The following GARRE1 variants were observed in gnomAD, a reference collection of about 807,000 sequenced individuals.
GARRE1 encodes granule associated Rac and RHOG effector 1, also known as granule associated Rac and RHOG effector protein 1.
In GARRE1, 49 loss-of-function variants were observed where a neutral mutation model predicts 103.2. The observed-to-expected ratio is 0.47, with a 90% CI of 0.38 to 0.60. GARRE1 has a LOEUF of 0.60. GARRE1 is among the 20% of genes least tolerant of loss of function. GARRE1 has a pLI of 0.00. For missense variants in GARRE1, 1,199 were observed against 1,370.5 expected (o/e 0.87, Z 1.98); for synonymous variants, 505 against 532.8 (o/e 0.95, Z 0.72).
rs531655420 is a variant in GARRE1, at chr19:34,260,280, A to G, written c.-796+5666A>G. On this transcript the variant is annotated intron_variant, in intron 1 of 13. Coordinates refer to ENST00000299505, the MANE Select transcript of GARRE1 (RefSeq NM_014686.5). ...AGTATTTTTAAATTAAGGTATGTGC[A>G]TTGTTTTTGTGACAATGCGATTGCA... Among the ~76,000 whole-genome samples the G allele has an allele frequency of 2.0e-5, 3 of 152,232 alleles. No individual in the cohort carries two copies. In the East Asian group the frequency reaches 5.8e-4, roughly 29 times the overall value.
chr19:34,344,181 C>T (rs1269524011), intron 10 of GARRE1, among the ~76,000 whole-genome samples: 1 of 152,158 alleles, frequency 6.6e-6, no homozygotes. Context: ...ACTTTTTTCT[C>T]TAATTTAGCA....
At chr19:34,292,077 G>C (rs1000810662) in intron 1 of GARRE1, among the ~76,000 whole-genome samples, 1 of 152,106 alleles carries the variant, frequency 6.6e-6, no homozygotes, top group Admixed American at 6.6e-5. Flanking sequence ...GGCCAGGCTG[G>C]TCTCAAATGC....
chr19:34,315,055 C>T (rs1326234324), intron 2 of GARRE1, among the ~76,000 whole-genome samples: 1 of 152,200 alleles, frequency 6.6e-6, no homozygotes, highest in African/African-American at 2.4e-5. Context: ...TTTGGAATTT[C>T]TAATACAAGC....
intron 1 of GARRE1, among the ~76,000 whole-genome samples, chr19:34,281,820 T>C (rs1354816227): frequency 1.3e-5 from 2 of 152,254 alleles, no homozygotes; most frequent in Non-Finnish European, 2.9e-5. Context: ...TTTTTAGGGA[T>C]ATTTTTCTTT....
At chr19:34,298,140 C>G (rs982440973) in intron 1 of GARRE1, among the ~76,000 whole-genome samples, 11 of 152,196 alleles carry the variant, frequency 7.2e-5, no homozygotes, top group African/African-American at 2.7e-4. Flanking sequence ...AATATGTGGT[C>G]AAGCACGGTG....
Position 34,341,872 on chromosome 19 carries a change from G to A in GARRE1, c.1938G>A (p.Met646Ile). The part of the protein sequence containing the change: ...KGMNLPTDQE[M>I]QEVIDFLSGF... ...TGAACTTACCAACTGATCAGGAAATGCAAGAGGTGATAGATTTTCTCTCGG... is the reference window on the plus strand; with the variant it reads ...TGAACTTACCAACTGATCAGGAAATACAAGAGGTGATAGATTTTCTCTCGG... Residue 646 changes from methionine (M) to isoleucine (I), a missense_variant, in exon 10 of 14, where the codon ATG (methionine) becomes ATA (isoleucine). By Grantham distance (10) the Met-to-Ile change is conservative (BLOSUM62 1). Coordinates refer to ENST00000299505, the MANE Select transcript of GARRE1 (RefSeq NM_014686.5). The A allele has an allele frequency of 6.2e-7, 1 of 1,614,204 alleles. No homozygotes were observed. The highest frequency in any genetic ancestry group is 8.5e-7 in the Non-Finnish European group (1 of 1,180,040).
At chr19:34,308,891 G>A (rs1376584160) in intron 2 of GARRE1, among the ~76,000 whole-genome samples, 8 of 152,128 alleles carry the variant, frequency 5.3e-5, no homozygotes, top group Non-Finnish European at 8.8e-5. Flanking sequence ...CAACAGTGGA[G>A]GATGAAACCA....
chr19:34,341,378 T>C (rs770920790), intron 9 of GARRE1, 44 bp from the exon 10 acceptor site: 18 of 1,461,178 alleles, frequency 1.2e-5, no homozygotes, highest in Non-Finnish European at 1.7e-5. Flanking sequence ...TATTATTTTA[T>C]ATATTTGTCT....
intron 10 of GARRE1, among the ~76,000 whole-genome samples, chr19:34,347,597 T>G (rs1487815317): frequency 6.6e-6 from 1 of 152,162 alleles, no homozygotes; most frequent in Non-Finnish European, 1.5e-5. Context: ...AAACCATTTT[T>G]CTCTCTTTTT....
At chr19:34,315,399 A>G (rs1038900936) in intron 2 of GARRE1, among the ~76,000 whole-genome samples, 4 of 152,328 alleles carry the variant, frequency 2.6e-5, no homozygotes, top group South Asian at 2.1e-4. Flanking sequence ...TTGATCTGCA[A>G]CAACTACAGT....
At chr19:34,264,574 A>G (rs995739830) in intron 1 of GARRE1, among the ~76,000 whole-genome samples, 2 of 151,890 alleles carry the variant, frequency 1.3e-5, no homozygotes, top group Non-Finnish European at 2.9e-5. Context: ...AATTTTTTGT[A>G]TTTTTAGTAG....
At chr19:34,352,550 G>T in intron 13 of GARRE1, 97 bp from the exon 14 acceptor site, 3 of 1,015,912 alleles carry the variant, frequency 3.0e-6, no homozygotes, top group South Asian at 2.9e-5. Flanking sequence ...GCTCTCACCC[G>T]GCTTCCTAGG....
chr19:34,290,469 G>A (rs1355441890), intron 1 of GARRE1, among the ~76,000 whole-genome samples: 1 of 152,076 alleles, frequency 6.6e-6, no homozygotes. Flanking sequence ...CCTGCAGTTT[G>A]GCAAAATCAT....
chr19:34,296,900 A>T (rs942395539), intron 1 of GARRE1, among the ~76,000 whole-genome samples: 3 of 152,024 alleles, frequency 2.0e-5, no homozygotes, highest in African/African-American at 7.3e-5. Context: ...CACCTTGGCC[A>T]CCTCTAAGTA....
At chr19:34,255,735 AGCGACCCTCACGCCTTC>A (rs2073668057) in intron 1 of GARRE1, among the ~76,000 whole-genome samples, 1 of 151,412 alleles carries the variant, frequency 6.6e-6, no homozygotes, top group Non-Finnish European at 1.5e-5. Flanking sequence ...TCTGGCCTCA[AGCGACCCTCACGCCTTC>A]GCCTTCCAAA....
At chr19:34,277,516 T>C (rs751569661) in intron 1 of GARRE1, among the ~76,000 whole-genome samples, 4 of 152,210 alleles carry the variant, frequency 2.6e-5, no homozygotes, top group African/African-American at 9.6e-5. Flanking sequence ...TCGCTAGATA[T>C]AGAGACTCGA....
chr19:34,340,255 A>C (rs900695177), intron 9 of GARRE1, among the ~76,000 whole-genome samples: 2 of 152,210 alleles, frequency 1.3e-5, no homozygotes, highest in Non-Finnish European at 2.9e-5. Flanking sequence ...GAGGAAGTCC[A>C]TCAAGAGGAC....
chr19:34,315,965 T>C (rs1568304468), intron 2 of GARRE1, among the ~76,000 whole-genome samples: 1 of 152,188 alleles, frequency 6.6e-6, no homozygotes, highest in Non-Finnish European at 1.5e-5. Context: ...TAGACCCCGA[T>C]AGCTGTCTGT....
chr19:34,279,499 CCCAGGCTGGCAGTGG>C (rs1164771328), intron 1 of GARRE1, among the ~76,000 whole-genome samples: 2 of 151,782 alleles, frequency 1.3e-5, no homozygotes, highest in Non-Finnish European at 2.9e-5. Flanking sequence ...CTCCATGTTG[CCCAGGCTGGCAGTGG>C]CCAGCACTTA....
Sources: allele counts gnomAD v4.1 joint callset (sites outside exome capture counted in the v4.1 genomes callset), GRCh38; gene constraint gnomAD v4.1.1; transcripts MANE v1.5; gene names NCBI Gene and HGNC (gene_info 2026-07-23, HGNC 2026-07-21).